Variants in STOX2 observed in about 807,000 individuals in gnomAD.
The protein encoded by STOX2 is storkhead-box protein 2.
A neutral mutation model predicts 60.9 loss-of-function variants in STOX2; 28 were observed. That is an observed-to-expected ratio of 0.46 (90% CI 0.34 to 0.63). STOX2 has a LOEUF of 0.63. Ranked by LOEUF, STOX2 falls within the 30% of genes least tolerant of loss-of-function variation. The pLI, the probability that STOX2 is intolerant of heterozygous loss-of-function variation, is 0.01. For missense variants in STOX2, 1,024 were observed against 1,187.7 expected (o/e 0.86, Z 2.03); for synonymous variants, 472 against 463.9 (o/e 1.02, Z -0.22).
chr4:183,863,689 C>A (rs1009870462), intron 1 of STOX2, among the ~76,000 whole-genome samples: 1 of 152,146 alleles, frequency 6.6e-6, no homozygotes. Context: ...TGTTCTAAAC[C>A]ACACATGGCT....
At chr4:183,918,870 C>T (rs994023904) in intron 1 of STOX2, among the ~76,000 whole-genome samples, 1 of 152,186 alleles carries the variant, frequency 6.6e-6, no homozygotes, top group Non-Finnish European at 1.5e-5. Flanking sequence ...GGTTTTCCCT[C>T]CTGCACACAC....
chr4:183,838,184 G>T (rs1439435068), intron 1 of STOX2, among the ~76,000 whole-genome samples: 2 of 148,430 alleles, frequency 1.3e-5, no homozygotes, highest in East Asian at 3.9e-4. Flanking sequence ...TTAATTTATT[G>T]AAATATTTAA....
At chr4:183,895,035 G>C (rs1460374356) in intron 1 of STOX2, among the ~76,000 whole-genome samples, 2 of 152,156 alleles carry the variant, frequency 1.3e-5, no homozygotes, top group African/African-American at 4.8e-5. Flanking sequence ...ACTAAATCCA[G>C]TAACTGCTCG....
intron 1 of STOX2, among the ~76,000 whole-genome samples, chr4:183,977,784 G>C (rs1295684395): frequency 1.3e-5 from 2 of 152,188 alleles, no homozygotes; most frequent in Non-Finnish European, 2.9e-5. Context: ...CATAGAGGTT[G>C]TACTAATTTA....
intron 1 of STOX2, among the ~76,000 whole-genome samples, chr4:183,839,628 G>A (rs551744304): frequency 7.2e-5 from 11 of 152,166 alleles, no homozygotes; most frequent in African/African-American, 2.7e-4. Context: ...AAGTCTACAG[G>A]GCAAAGTAAT....
intron 1 of STOX2, among the ~76,000 whole-genome samples, chr4:183,851,636 GGAAAGGATGAGA>G: frequency 2.8e-5 from 3 of 108,562 alleles, no homozygotes; most frequent in Admixed American, 8.5e-5. Flanking sequence ...AAAGGATGAG[GGAAAGGATGAGA>G]GAAAGGATGA....
chr4:183,896,949 GGTTA>G (rs1477307861), intron 1 of STOX2, among the ~76,000 whole-genome samples: 1 of 152,118 alleles, frequency 6.6e-6, no homozygotes, highest in African/African-American at 2.4e-5. Flanking sequence ...GTCATTTGGG[GGTTA>G]GTTAAATATG....
At chr4:183,817,149 A>T (rs1236999606) in intron 1 of STOX2, among the ~76,000 whole-genome samples, 1 of 152,252 alleles carries the variant, frequency 6.6e-6, no homozygotes, top group East Asian at 1.9e-4. Context: ...AATGGTGTCC[A>T]CATTCTTGGA....
At position 184,001,555 on chromosome 4, in the gene STOX2, C is replaced by G; in HGVS notation, c.319+78C>G. On this transcript the variant is annotated intron_variant, in intron 2 of 3. Transcript: ENST00000308497. This position sits in a 1 kb window ranked among gnomAD's most constrained non-coding sequence, Gnocchi z 4.2. ...CTAGGACTCACGTGGACTGTTCTGC[C>G]CATGTTTAAAGAGAATAGGAAAACA... is the stretch of plus-strand genomic sequence containing the variant. 1 of 1,407,726 alleles carries G rather than the reference C, an allele frequency of 7.1e-7. No individual in the cohort carries two copies. The highest frequency in any genetic ancestry group is 9.7e-7 in the Non-Finnish European group (1 of 1,028,400). The allele number at this position is 1,407,726 out of a possible 1,614,324, so 87.2% of individuals were successfully genotyped here.
chr4:183,898,388 G>T lies in STOX2; in HGVS notation c.364+100333G>T, dbSNP rs528030635. ...GGAAATGTACGCTAAGACCCCAGAG[G>T]TTGGGAGACTGGGCATAAAGATGAT... On this transcript the variant is annotated intron_variant, in intron 1 of 2. Coordinates refer to the STOX2 transcript ENST00000513034. Among the ~76,000 whole-genome samples the T allele has an allele frequency of 6.6e-5, 10 of 152,316 alleles. No individual in the cohort carries two copies. In the East Asian group the frequency reaches 1.4e-3, roughly 21 times the overall value.
intron 2 of STOX2, among the ~76,000 whole-genome samples, chr4:184,006,833 G>A (rs1182204062): frequency 1.3e-5 from 2 of 150,914 alleles, no homozygotes; most frequent in African/African-American, 2.4e-5. Flanking sequence ...CGGCTAAAAC[G>A]GTGAAACCCC....
rs1208028573 is a variant in STOX2 at position 184,011,095 on chromosome 4, G to A, written c.2257G>A (p.Ala753Thr). 3 of 1,595,176 alleles carry A rather than the reference G, an allele frequency of 1.9e-6. No individual in the cohort carries two copies. Among genetic ancestry groups the A allele is most frequent in the Non-Finnish European group, 2.6e-6 (3 of 1,171,824 alleles). ...EPSLGTSAAQ[A>T]MPASQRQQES... Reference sequence around the variant, plus strand: ...GTCCCTGGGGACCTCGGCGGCACAAGCCATGCCTGCTTCCCAGCGTCAGCA... The same window carrying A: ...GTCCCTGGGGACCTCGGCGGCACAAACCATGCCTGCTTCCCAGCGTCAGCA... Residue 753 changes from alanine (A) to threonine (T), a missense_variant, in exon 3 of 4, where the codon GCC becomes ACC. This residue lies in a region of STOX2 where 922 missense variants were observed against 1,058.3 expected (regional missense o/e 0.87). Transcript: ENST00000308497. This position sits in a 1 kb window ranked among gnomAD's most constrained non-coding sequence, Gnocchi z 4.4.
intron 1 of STOX2, among the ~76,000 whole-genome samples, chr4:183,956,556 C>G (rs1048835471): frequency 1.3e-5 from 2 of 151,974 alleles, no homozygotes; most frequent in African/African-American, 2.4e-5. Context: ...GCTGCATTTC[C>G]TAAATGTTTC....
intron 1 of STOX2, among the ~76,000 whole-genome samples, chr4:183,801,575 G>T (rs559195887): frequency 6.6e-6 from 1 of 152,348 alleles, no homozygotes; most frequent in South Asian, 2.1e-4. Context: ...AGCTGGTAGG[G>T]GAGGTTTCCC....
chr4:183,930,520 T>G (rs545884580), intron 1 of STOX2, among the ~76,000 whole-genome samples: 32 of 135,622 alleles, frequency 2.4e-4, no homozygotes, highest in African/African-American at 9.0e-4. Context: ...TTGTTTTTTG[T>G]TTTTTTTTTG....
At chr4:184,006,381 G>A (rs1579538493) in intron 2 of STOX2, among the ~76,000 whole-genome samples, 1 of 152,130 alleles carries the variant, frequency 6.6e-6, no homozygotes, top group Admixed American at 6.5e-5. Context: ...TCATTCCTGA[G>A]ACTGCGGTGC....
chr4:183,982,866 C>T (rs1215601469), intron 1 of STOX2, among the ~76,000 whole-genome samples: 1 of 142,348 alleles, frequency 7.0e-6, no homozygotes, highest in Non-Finnish European at 1.6e-5. Context: ...TTTACCTTGC[C>T]TCAGTAATTA....
Position 184,021,676 on chromosome 4 carries a change from T to A in STOX2, c.*4392T>A, listed in dbSNP as rs1277985486. ...CAGTGGAAGGTGCTGAAACAGAAATTTTAATTAAAAACTTTATCAAGTACT... is the reference window on the plus strand; with the variant it reads ...CAGTGGAAGGTGCTGAAACAGAAATATTAATTAAAAACTTTATCAAGTACT... On this transcript the variant is annotated 3_prime_UTR_variant, in exon 4 of 4. Transcript: ENST00000308497. 2 of 152,182 alleles carry A rather than the reference T, an allele frequency of 1.3e-5. No homozygotes were observed. Among genetic ancestry groups the A allele is most frequent in the Admixed American group, 1.3e-4 (2 of 15,284 alleles). 9.4% of individuals were successfully genotyped at this position (152,182 alleles called of 1,614,324 possible). A position where few individuals can be genotyped will look rare whatever the true frequency, so the allele number is the denominator to read the frequency against.
chr4:183,987,648 C>G (rs930745443), intron 1 of STOX2: 2 of 152,234 alleles, frequency 1.3e-5, no homozygotes, highest in African/African-American at 4.8e-5. Flanking sequence ...CCACGCCGCC[C>G]TCCTCGCAGC....
Sources: allele counts gnomAD v4.1 joint callset (sites outside exome capture counted in the v4.1 genomes callset), GRCh38; gene constraint gnomAD v4.1.1; regional missense constraint gnomAD v4.1.1; non-coding constraint Gnocchi (gnomAD v3.1); transcripts MANE v1.5; gene names NCBI Gene and HGNC (gene_info 2026-07-23, HGNC 2026-07-21).